The following CDS1 variants were observed in gnomAD, a reference collection of about 807,000 sequenced individuals.
The protein encoded by CDS1 is CDP-diacylglycerol synthase 1.
Under a neutral mutation model 62.1 loss-of-function variants are expected in CDS1, and 41 were observed. The observed-to-expected ratio is 0.66, with a 90% CI of 0.51 to 0.86. The LOEUF (loss-of-function observed/expected upper bound fraction) is 0.86. Ranked by LOEUF, CDS1 falls within the 40% of genes least tolerant of loss-of-function variation. The probability of loss-of-function intolerance (pLI) is 0.00; values close to 1 mark genes in which losing one functional copy is unlikely to be tolerated. For synonymous variants in CDS1, 185 were observed against 192.6 expected, an observed-to-expected ratio of 0.96 and a Z score of 0.32; for missense variants, 470 against 550.1, an observed-to-expected ratio of 0.85 and a Z score of 1.46.
Position 84,583,606 on chromosome 4 carries a change from C to A in CDS1, c.117+88C>A. The A allele has an allele frequency of 4.1e-6, 3 of 726,734 alleles. No homozygotes were observed. The South Asian group carries it at 5.9e-5, about 14-fold the overall frequency. The allele number at this position is 726,734 out of a possible 1,614,324, so 45.0% of individuals were successfully genotyped here. On this transcript the variant is annotated intron_variant, in intron 1 of 12. Coordinates refer to ENST00000295887, the MANE Select transcript of CDS1 (RefSeq NM_001263.4). ...CTTGAGAGCAAGGGTGGGGCCCGTC[C>A]AGCGTCAGGTGAGGCTGCACGCTGC...
intron 5 of CDS1, among the ~76,000 whole-genome samples, chr4:84,624,282 A>AC (rs1723786145): frequency 7.4e-6 from 1 of 134,350 alleles, no homozygotes; most frequent in African/African-American, 3.0e-5. Context: ...TCAAAAAAAA[A>AC]AAAACAAACA....
intron 8 of CDS1, among the ~76,000 whole-genome samples, chr4:84,636,104 C>T (rs1434381269): frequency 2.6e-5 from 4 of 152,042 alleles, no homozygotes; most frequent in Non-Finnish European, 5.9e-5. Context: ...CTTTATCCTC[C>T]TTTCCAGCAA....
chr4:84,603,862 G>T (rs1403123958), intron 1 of CDS1, among the ~76,000 whole-genome samples: 1 of 152,106 alleles, frequency 6.6e-6, no homozygotes, highest in Non-Finnish European at 1.5e-5. Flanking sequence ...TCTTACTGTT[G>T]ATGCTTTAAT....
intron 3 of CDS1, among the ~76,000 whole-genome samples, chr4:84,613,799 A>T (rs1037714677): frequency 1.3e-5 from 2 of 152,162 alleles, no homozygotes; most frequent in African/African-American, 2.4e-5. Flanking sequence ...CATATAGAAG[A>T]TATTGAAAGA....
At chr4:84,612,816 C>T (rs962779549) in intron 3 of CDS1, among the ~76,000 whole-genome samples, 15 of 151,558 alleles carry the variant, frequency 9.9e-5, no homozygotes, top group African/African-American at 3.6e-4. Context: ...GGTGAAACCT[C>T]GTCTCTTTTA....
intron 5 of CDS1, among the ~76,000 whole-genome samples, chr4:84,620,238 T>G (rs1723638188): frequency 6.9e-6 from 1 of 145,464 alleles, no homozygotes; most frequent in African/African-American, 2.6e-5. Flanking sequence ...TTTTTTTTTT[T>G]TTGAGATGGA....
intron 5 of CDS1, among the ~76,000 whole-genome samples, chr4:84,627,456 T>C (rs1723896271): frequency 6.6e-6 from 1 of 152,140 alleles, no homozygotes; most frequent in Non-Finnish European, 1.5e-5. Flanking sequence ...ACTCATCAAC[T>C]TGGTGATTTG....
intron 5 of CDS1, among the ~76,000 whole-genome samples, chr4:84,626,802 C>T (rs373117585): frequency 3.9e-5 from 6 of 152,082 alleles, no homozygotes; most frequent in East Asian, 1.9e-4. Flanking sequence ...ATTGAGGGTC[C>T]GACTATGTAT....
intron 3 of CDS1, among the ~76,000 whole-genome samples, chr4:84,617,231 G>A (rs1439252420): frequency 6.6e-6 from 1 of 152,148 alleles, no homozygotes; most frequent in Non-Finnish European, 1.5e-5. Context: ...ATCTTGACAA[G>A]GACAATCTCA....
rs12504451 is a variant in CDS1 at position 84,607,721 on chromosome 4, C to T, written c.246-1708C>T. Among the ~76,000 whole-genome samples the T allele has an allele frequency of 1.2e-3, 176 of 152,020 alleles. 1 individual carries two copies. The highest frequency in any genetic ancestry group is 9.6e-3 in the Admixed American group (146 of 15,270). ...GACCAGCCTGGGCAAGATAGTAAGA[C>T]CCTGTCTCTATTTTTTTTTAAAAAA... On this transcript the variant is annotated intron_variant, in intron 2 of 12. Transcript: ENST00000295887.
At chr4:84,619,570 A>T in intron 5 of CDS1, 37 bp downstream of exon 5, 1 of 1,235,492 alleles carries the variant, frequency 8.1e-7, no homozygotes, top group Non-Finnish European at 1.1e-6. Context: ...TATATAGTTA[A>T]CATATTTTCC....
Position 84,640,993 on chromosome 4 carries a change from A to G in CDS1, c.1032+3A>G. The G allele has an allele frequency of 6.5e-7, 1 of 1,549,068 alleles. No individual in the cohort carries two copies. The highest frequency in any genetic ancestry group is 1.3e-5 in the South Asian group (1 of 78,680). ...TTCTAAAGGCAGTCTTGAGACAGGT[A>G]CAGTAAAAGTTCAAGATAAACATGG... On this transcript the variant is annotated splice_donor_region_variant and intron_variant, in intron 10 of 12. Transcript: ENST00000295887.
At chr4:84,644,134 A>G (rs527902870) in intron 11 of CDS1, among the ~76,000 whole-genome samples, 3 of 152,312 alleles carry the variant, frequency 2.0e-5, no homozygotes, top group African/African-American at 7.2e-5. Context: ...GGGTCAGGGA[A>G]TAAGTGAACT....
At chr4:84,627,248 C>T (rs1307639217) in intron 5 of CDS1, among the ~76,000 whole-genome samples, 2 of 152,076 alleles carry the variant, frequency 1.3e-5, no homozygotes, top group African/African-American at 2.4e-5. Context: ...CCAATTCTGA[C>T]CCCCTCATGG....
intron 1 of CDS1, among the ~76,000 whole-genome samples, chr4:84,599,306 A>G (rs1389564819): frequency 6.6e-6 from 1 of 151,650 alleles, no homozygotes; most frequent in African/African-American, 2.4e-5. Flanking sequence ...ATAACATTAC[A>G]TTGGAAAATT....
chr4:84,601,609 T>C (rs1016749296), intron 1 of CDS1, among the ~76,000 whole-genome samples: 1 of 152,088 alleles, frequency 6.6e-6, no homozygotes, highest in African/African-American at 2.4e-5. Flanking sequence ...TTTAGGTTCT[T>C]GTAAACATTT....
intron 9 of CDS1, among the ~76,000 whole-genome samples, chr4:84,639,904 A>C (rs1375705216): frequency 6.6e-6 from 1 of 152,008 alleles, no homozygotes; most frequent in Non-Finnish European, 1.5e-5. Flanking sequence ...GGACAGATAG[A>C]AGAATGCAAA....
intron 7 of CDS1, among the ~76,000 whole-genome samples, chr4:84,634,830 A>G (rs951099386): frequency 6.6e-6 from 1 of 152,234 alleles, no homozygotes; most frequent in Admixed American, 6.5e-5. Context: ...ATTAAAATTA[A>G]TAATTGAGAA....
chr4:84,645,934 G>A (rs72947559), intron 12 of CDS1, among the ~76,000 whole-genome samples: 5,336 of 152,216 alleles, frequency 0.035, 288 homozygotes, highest in African/African-American at 0.12. Context: ...GATGAATATT[G>A]CCATTTTAGA....
Sources: allele counts gnomAD v4.1 joint callset (sites outside exome capture counted in the v4.1 genomes callset), GRCh38; gene constraint gnomAD v4.1.1; transcripts MANE v1.5; gene names NCBI Gene and HGNC (gene_info 2026-07-23, HGNC 2026-07-21).